Variants in MYRIP observed in about 807,000 individuals in gnomAD.
MYRIP encodes rab effector MyRIP.
MYRIP carries 49 observed loss-of-function variants against 98.0 expected under a neutral mutation model. The ratio of observed to expected loss-of-function variants is 0.50; its 90% CI spans 0.40 to 0.63. The LOEUF is 0.63. MYRIP is among the 30% of genes least tolerant of loss of function. MYRIP has a pLI of 0.00. For missense variants in MYRIP, 1,004 were observed against 1,058.2 expected, an observed-to-expected ratio of 0.95 and a Z score of 0.71; for synonymous variants, 404 against 409.5, an observed-to-expected ratio of 0.99 and a Z score of 0.16.
intron 1 of MYRIP, among the ~76,000 whole-genome samples, chr3:39,835,853 C>G (rs952770621): frequency 6.6e-6 from 1 of 152,172 alleles, no homozygotes. Flanking sequence ...GATTGATTTT[C>G]TGTTCCTGTG....
chr3:39,975,456 A>C (rs1486984141), intron 2 of MYRIP, among the ~76,000 whole-genome samples: 1 of 152,032 alleles, frequency 6.6e-6, no homozygotes, highest in African/African-American at 2.4e-5. Flanking sequence ...CAATATCGTG[A>C]AAATGGCCAT....
chr3:39,996,201 A>G (rs1159910351), intron 2 of MYRIP, among the ~76,000 whole-genome samples: 2 of 152,360 alleles, frequency 1.3e-5, no homozygotes, highest in Non-Finnish European at 2.9e-5. Flanking sequence ...TTAAATGTAA[A>G]TGGACTAAAT....
At position 40,204,165 on chromosome 3, in the gene MYRIP, AATATT is replaced by A. The variant is rs1951718311; in HGVS notation, c.1666-5688_1666-5684del. ...TATATAATATATAAATATATAATAT[AATATT>A]TATATATTATATAATATATAAATAT... On this transcript the variant is annotated intron_variant, in intron 10 of 16. Transcript: ENST00000302541. 7.7e-3 allele frequency among the ~76,000 whole-genome samples: 21 copies of A among 2,730 alleles called. 1 individual carries two copies. The highest frequency in any genetic ancestry group is 0.056 in the South Asian group (2 of 36). 1.8% of individuals were successfully genotyped at this position (2,730 alleles called of 152,430 possible).
chr3:40,085,756 A>AAGC (rs1948613043), intron 3 of MYRIP, among the ~76,000 whole-genome samples: 1 of 152,192 alleles, frequency 6.6e-6, no homozygotes, highest in South Asian at 2.1e-4. Flanking sequence ...GGAAGGAAGG[A>AAGC]AGCAGCAGCA....
rs548060046 is a variant in MYRIP, at chr3:40,158,448, G to A, written c.470-4282G>A. 3.3e-5 allele frequency among the ~76,000 whole-genome samples: 5 copies of A among 152,162 alleles called. No homozygotes were observed. The East Asian group carries it at 9.7e-4, about 29-fold the overall frequency. ...GTCAATTTTGGAATAGGTGTGGTGT[G>A]GTGCTGAAAAAAATGTATATTCTGT... is the stretch of plus-strand genomic sequence containing the variant. On this transcript the variant is annotated intron_variant, in intron 4 of 16. Transcript: ENST00000302541.
At chr3:39,936,160 T>C (rs1004908068) in intron 2 of MYRIP, among the ~76,000 whole-genome samples, 5 of 152,204 alleles carry the variant, frequency 3.3e-5, no homozygotes, top group African/African-American at 1.2e-4. Context: ...TTTCTTTTTG[T>C]TAAAGACATT....
intron 2 of MYRIP, among the ~76,000 whole-genome samples, chr3:39,941,073 A>G (rs1320584890): frequency 1.3e-5 from 2 of 152,128 alleles, no homozygotes; most frequent in African/African-American, 2.4e-5. Context: ...GGCTGGGGTC[A>G]CTATATGTGT....
At chr3:39,885,783 T>C (rs1943281177) in intron 1 of MYRIP, among the ~76,000 whole-genome samples, 1 of 152,112 alleles carries the variant, frequency 6.6e-6, no homozygotes, top group Admixed American at 6.6e-5. Context: ...TTCCAGTTGA[T>C]CGCATTGGCT....
chr3:40,078,282 G>A (rs1948396800), intron 3 of MYRIP, among the ~76,000 whole-genome samples: 1 of 152,216 alleles, frequency 6.6e-6, no homozygotes, highest in Non-Finnish European at 1.5e-5. Flanking sequence ...GCTGTGTGCA[G>A]CCCCGGTTCG....
chr3:40,132,667 G>A (rs1049771736), intron 3 of MYRIP, among the ~76,000 whole-genome samples: 1 of 152,262 alleles, frequency 6.6e-6, no homozygotes, highest in African/African-American at 2.4e-5. Flanking sequence ...CTGGGGGCAT[G>A]AGAGTACTAC....
intron 1 of MYRIP, 125 bp downstream of exon 1, chr3:39,810,041 C>G (rs1292052146): frequency 6.6e-6 from 1 of 152,392 alleles, no homozygotes; most frequent in Non-Finnish European, 1.5e-5. Context: ...TCCCCCGCAC[C>G]CTGTGCGCGT....
intron 2 of MYRIP, among the ~76,000 whole-genome samples, chr3:40,026,263 A>G (rs1432909036): frequency 6.6e-6 from 1 of 152,106 alleles, no homozygotes; most frequent in African/African-American, 2.4e-5. Flanking sequence ...GAAGAAAAAT[A>G]TGGCTCTATT....
intron 1 of MYRIP, among the ~76,000 whole-genome samples, chr3:39,891,678 C>G (rs1013932268): frequency 6.6e-6 from 1 of 152,062 alleles, no homozygotes; most frequent in East Asian, 1.9e-4. Context: ...AATGAAGGAG[C>G]TAATTTCCCT....
chr3:40,237,625 C>T (rs1952859542), intron 12 of MYRIP, among the ~76,000 whole-genome samples: 1 of 152,172 alleles, frequency 6.6e-6, no homozygotes, highest in South Asian at 2.1e-4. Flanking sequence ...TGTGTGACTA[C>T]ACCAGAGGAA....
At chr3:39,865,360 G>A in intron 1 of MYRIP, among the ~76,000 whole-genome samples, 1 of 151,676 alleles carries the variant, frequency 6.6e-6, no homozygotes, top group South Asian at 2.2e-4. Flanking sequence ...AGAGTAAACA[G>A]AGTAACAGAG....
intron 2 of MYRIP, among the ~76,000 whole-genome samples, chr3:40,032,582 G>T (rs1947285328): frequency 1.3e-5 from 2 of 152,052 alleles, no homozygotes; most frequent in South Asian, 2.1e-4. Context: ...ATAATCAATA[G>T]CTTACCAACC....
chr3:40,156,421 T>C (rs1295039735), intron 4 of MYRIP, among the ~76,000 whole-genome samples: 2 of 152,176 alleles, frequency 1.3e-5, no homozygotes, highest in Admixed American at 1.3e-4. Context: ...TGAAGTCAGG[T>C]AGTGTGATGC....
intron 1 of MYRIP, among the ~76,000 whole-genome samples, chr3:39,829,411 G>A (rs1419594816): frequency 2.0e-5 from 3 of 152,190 alleles, no homozygotes; most frequent in African/African-American, 7.2e-5. Context: ...AGGTCTTGGG[G>A]TTTTGGTTGG....
chr3:40,032,806 T>C (rs1184464768), intron 2 of MYRIP, among the ~76,000 whole-genome samples: 2 of 152,134 alleles, frequency 1.3e-5, no homozygotes, highest in African/African-American at 2.4e-5. Context: ...TGAAAATTGA[T>C]GCAAAAATCC....
Sources: gnomAD v4.1 joint callset for allele counts (sites outside exome capture counted in the v4.1 genomes callset) on GRCh38, gnomAD v4.1.1 for gene constraint, MANE v1.5 for transcripts, NCBI Gene and HGNC (gene_info 2026-07-23, HGNC 2026-07-21) for gene names.